ZNF334: variants seen among roughly 807,000 people sequenced by gnomAD.
The protein encoded by ZNF334 is zinc finger protein 334.
In ZNF334, 14 loss-of-function variants were observed where a neutral mutation model predicts 12.4. The observed-to-expected ratio is 1.13, with a 90% CI of 0.74 to 1.76. ZNF334 has a LOEUF of 1.76. Ranked by LOEUF, ZNF334 falls within the 40% of genes most tolerant of loss-of-function variation. The pLI, the probability that ZNF334 is intolerant of heterozygous loss-of-function variation, is 0.00. For synonymous variants in ZNF334, 273 were observed against 269.6 expected (o/e 1.01, Z -0.12); for missense variants, 797 against 804.5 (o/e 0.99, Z 0.11).
downstream of ZNF334, among the ~76,000 whole-genome samples, chr20:46,497,958 T>C (rs112070062): frequency 0.02 from 776 of 37,882 alleles, 6 homozygotes; most frequent in African/African-American, 0.16. Flanking sequence ...TATTCCAAGA[T>C]TTCCCCGTCT....
At chr20:46,487,792 A>G in the ZNF334 span, among the ~76,000 whole-genome samples, 1 of 152,220 alleles carries the variant, frequency 6.6e-6, no homozygotes, top group Non-Finnish European at 1.5e-5. Context: ...TTGTGTCTCT[A>G]AAGTGAGTTT....
At chr20:46,464,953 G>A in the ZNF334 span, 76 of 483,752 alleles carry the variant, frequency 1.6e-4, no homozygotes, top group African/African-American at 1.3e-3. Context: ...TTGCTTGTTC[G>A]TTTCAGTGGC....
At position 46,513,532 on chromosome 20, in the gene ZNF334, G is replaced by C. The variant is rs1345317663; in HGVS notation, c.-1031C>G. 1 of 152,314 alleles carries C rather than the reference G, an allele frequency of 6.6e-6. No homozygotes were observed. Among genetic ancestry groups the C allele is most frequent in the African/African-American group, 2.4e-5 (1 of 41,468 alleles). The allele number at this position is 152,314 out of a possible 1,614,324, so 9.4% of individuals were successfully genotyped here. A position where few individuals can be genotyped will look rare whatever the true frequency, so the allele number is the denominator to read the frequency against. On this transcript the variant is annotated 5_prime_UTR_variant, in exon 1 of 5. Transcript: ENST00000692313. ...TCTCGGCGGGACCAGGGATTCACGG[G>C]CTGCAGGACCCTCACCCGGAAGAGC...
the ZNF334 span, among the ~76,000 whole-genome samples, chr20:46,470,136 GAGAA>G: frequency 6.6e-6 from 1 of 152,306 alleles, no homozygotes; most frequent in East Asian, 1.9e-4. Flanking sequence ...TCATTTTACA[GAGAA>G]AGAAACTAGG....
At chr20:46,486,999 T>C in the ZNF334 span, among the ~76,000 whole-genome samples, 1 of 152,182 alleles carries the variant, frequency 6.6e-6, no homozygotes, top group Admixed American at 6.5e-5. Flanking sequence ...TGGAATTGAA[T>C]ATATTTCATG....
At chr20:46,474,585 T>A in the ZNF334 span, 1 of 152,150 alleles carries the variant, frequency 6.6e-6, no homozygotes, top group African/African-American at 2.4e-5. Context: ...CAAATCCACA[T>A]CTGTAGGAGT....
At chr20:46,481,856 C>T in the ZNF334 span, among the ~76,000 whole-genome samples, 2 of 152,172 alleles carry the variant, frequency 1.3e-5, no homozygotes, top group Non-Finnish European at 2.9e-5. Context: ...CTCCCCCACC[C>T]ATTGCAAAAT....
Position 46,504,645 on chromosome 20 carries a change from C to T in ZNF334, c.117G>A (p.Met39Ile). ...AGACCAAGTTGCTGTAGTTCTCCAG[C>T]ATCACATCCCTGTACAGGAGCCTCT... ...PAQRLLYRDV[M>I]LENYSNLVSV... Residue 39 changes from methionine (M) to isoleucine (I), a missense_variant, in exon 3 of 5, where the codon ATG becomes ATA. Physicochemically the swap from Met to Ile is conservative, Grantham distance 10. Coordinates refer to ENST00000692313, the MANE Select transcript of ZNF334 (RefSeq NM_001353824.2). 1.2e-6 allele frequency: 2 copies of T among 1,606,162 alleles called. No homozygotes were observed. Among genetic ancestry groups the T allele is most frequent in the Middle Eastern group, 1.7e-4 (1 of 6,002 alleles).
At position 46,513,416 on chromosome 20, in the gene ZNF334, C is replaced by T. The variant is rs2061724125; in HGVS notation, c.-915G>A. The T allele has an allele frequency of 6.6e-6, 1 of 152,626 alleles. No homozygotes were observed. Among genetic ancestry groups the T allele is most frequent in the Non-Finnish European group, 1.5e-5 (1 of 68,400 alleles). 9.5% of individuals were successfully genotyped at this position (152,626 alleles called of 1,614,324 possible). ...CCGCTCCGCCCGGCCCCACCGTTCC[C>T]TCCGACGCCCGAGTGCTCAGAGCTC... On this transcript the variant is annotated 5_prime_UTR_variant, in exon 1 of 5. Coordinates refer to ENST00000692313, the MANE Select transcript of ZNF334 (RefSeq NM_001353824.2).
At chr20:46,462,843 C>T in the ZNF334 span, among the ~76,000 whole-genome samples, 1 of 152,246 alleles carries the variant, frequency 6.6e-6, no homozygotes, top group Non-Finnish European at 1.5e-5. Context: ...AGGCTTATCA[C>T]ATACTCACAC....
chr20:46,483,217 T>A, the ZNF334 span, among the ~76,000 whole-genome samples: 9 of 152,322 alleles, frequency 5.9e-5, no homozygotes, highest in East Asian at 1.7e-3. Context: ...TGTCCACTTA[T>A]TGATCATTTG....
intron 4 of ZNF334, 120 bp from the exon 5 acceptor site, chr20:46,503,217 T>A (rs1278493015): frequency 1.7e-6 from 2 of 1,185,404 alleles, no homozygotes; most frequent in African/African-American, 1.6e-5. Flanking sequence ...CTTCCAAGAT[T>A]AAACAAATTT....
chr20:46,467,223 T>C, the ZNF334 span, among the ~76,000 whole-genome samples: 1 of 152,218 alleles, frequency 6.6e-6, no homozygotes, highest in African/African-American at 2.4e-5. Flanking sequence ...AGGGATATTC[T>C]AAATGATATG....
chr20:46,474,531 A>G, the ZNF334 span: 1 of 152,176 alleles, frequency 6.6e-6, no homozygotes, highest in Non-Finnish European at 1.5e-5. Context: ...CACCATGTAG[A>G]CCGATGAGGA....
At chr20:46,486,896 A>G in the ZNF334 span, among the ~76,000 whole-genome samples, 3 of 152,140 alleles carry the variant, frequency 2.0e-5, no homozygotes, top group African/African-American at 7.2e-5. Context: ...GATGAAGCTC[A>G]CATGATATTC....
At position 46,501,420 on chromosome 20, in the gene ZNF334, A is replaced by C. The variant is rs139895996; in HGVS notation, c.1919T>G (p.Leu640Arg). 3.7e-6 allele frequency: 6 copies of C among 1,613,398 alleles called. No homozygotes were observed. The African/African-American group carries it at 8.0e-5, about 22-fold the overall frequency. The change falls in exon 5 of 5, where the codon CTG becomes CGG. Residue 640 changes from leucine to arginine, a missense_variant. Leu to Arg is a moderately radical substitution (Grantham distance 102). Transcript: ENST00000692313. ...CNQCGKTYRR[L>R]WTLTEHQKIH... ...TTTCTGATGTTCAGTGAGAGTCCAC[A>C]GGCGACGGTAGGTTTTCCCACATTG...
At position 46,504,644 on chromosome 20, in the gene ZNF334, G is replaced by A. The variant is rs1273555724; in HGVS notation, c.118C>T (p.Leu40=). The A allele has an allele frequency of 3.1e-6, 5 of 1,605,956 alleles. No individual in the cohort carries two copies. In the African/African-American group the frequency reaches 6.7e-5, roughly 22 times the overall value. ...GAGACCAAGTTGCTGTAGTTCTCCA[G>A]CATCACATCCCTGTACAGGAGCCTC... ...AQRLLYRDVM[L]ENYSNLVSVG... The change falls in exon 3 of 5, where the codon CTG becomes TTG. Residue 40 remains leucine, a synonymous_variant. Coordinates refer to ENST00000692313, the MANE Select transcript of ZNF334 (RefSeq NM_001353824.2).
Position 46,507,468 on chromosome 20 carries a change from A to T in ZNF334, c.22-2728T>A, listed in dbSNP as rs558129301. On this transcript the variant is annotated intron_variant, in intron 2 of 4. Coordinates refer to ENST00000692313, the MANE Select transcript of ZNF334 (RefSeq NM_001353824.2). ...AATAAGCAGAATTTGAATACGATAG[A>T]TAATAATACTGTATTCATGTGAATT... Among the ~76,000 whole-genome samples the T allele has an allele frequency of 5.7e-4, 87 of 152,364 alleles. 3 individuals carry two copies. In the South Asian group the frequency reaches 0.017, roughly 29 times the overall value.
chr20:46,501,689 C>T lies in ZNF334; in HGVS notation c.1650G>A (p.Gly550=), dbSNP rs758010958. The change falls in exon 5 of 5, where the codon GGG becomes GGA. Residue 550 remains glycine, a synonymous_variant. Coordinates refer to ENST00000692313, the MANE Select transcript of ZNF334 (RefSeq NM_001353824.2). ...WERPYECNEC[G]RTYCRKSALT... ...GGGCTGACTTCCTGCAGTAGGTTCT[C>T]CCACATTCATTGCATTCATATGGTC... is the stretch of plus-strand genomic sequence containing the variant. 2.4e-5 allele frequency: 38 copies of T among 1,613,894 alleles called. No homozygotes were observed. The highest frequency in any genetic ancestry group is 6.7e-5 in the African/African-American group (5 of 74,880).
Sources: gnomAD v4.1 joint callset for allele counts (sites outside exome capture counted in the v4.1 genomes callset) on GRCh38, gnomAD v4.1.1 for gene constraint, MANE v1.5 for transcripts, NCBI Gene and HGNC (gene_info 2026-07-23, HGNC 2026-07-21) for gene names.